Variants in BCKDHB observed in about 807,000 individuals in gnomAD.
BCKDHB encodes branched chain keto acid dehydrogenase E1 subunit beta, also known as 2-oxoisovalerate dehydrogenase subunit beta, mitochondrial.
In BCKDHB, 41 loss-of-function variants were observed where a neutral mutation model predicts 48.5. The ratio of observed to expected loss-of-function variants is 0.85; its 90% CI spans 0.66 to 1.10. The LOEUF is 1.10. BCKDHB is among the 50% of genes least tolerant of loss of function. The pLI, the probability that BCKDHB is intolerant of heterozygous loss-of-function variation, is 0.00. For missense variants in BCKDHB, 496 were observed against 494.2 expected (o/e 1.00, Z -0.03); for synonymous variants, 201 against 174.8 (o/e 1.15, Z -1.18).
chr6:80,158,499 C>G (rs1227363655), intron 3 of BCKDHB, among the ~76,000 whole-genome samples: 1 of 152,052 alleles, frequency 6.6e-6, no homozygotes, highest in Non-Finnish European at 1.5e-5. Context: ...AACCTTGGAA[C>G]CTGTCATATT....
chr6:80,239,708 T>C (rs912870085), intron 8 of BCKDHB, among the ~76,000 whole-genome samples: 3 of 152,092 alleles, frequency 2.0e-5, no homozygotes, highest in Non-Finnish European at 4.4e-5. Context: ...ATTGCCTAGG[T>C]TTTCTTCTAG....
chr6:80,186,762 C>T lies in BCKDHB; in HGVS notation c.743-14172C>T, dbSNP rs61403430. 7.2e-3 allele frequency among the ~76,000 whole-genome samples: 1,096 copies of T among 152,294 alleles called. 10 individuals are homozygous for T. The highest frequency in any genetic ancestry group is 0.024 in the African/African-American group (991 of 41,560). On this transcript the variant is annotated intron_variant, in intron 6 of 9. Transcript: ENST00000320393. ...AGGGATGGCTTTCTCTGGTTTGAGC[C>T]GGGAACTGGGAGTGCCTACAGGGCG...
intron 8 of BCKDHB, among the ~76,000 whole-genome samples, chr6:80,270,451 C>G (rs1195317336): frequency 6.6e-6 from 1 of 152,078 alleles, no homozygotes; most frequent in Non-Finnish European, 1.5e-5. Context: ...TCTGACTCCT[C>G]TCTTCTTGCT....
the BCKDHB span, among the ~76,000 whole-genome samples, chr6:80,404,135 G>C: frequency 1.7e-3 from 251 of 151,986 alleles, 1 homozygote; most frequent in African/African-American, 5.7e-3. Flanking sequence ...TTTTTAAAGA[G>C]TTTGAGCAGC....
At chr6:80,289,331 T>G (rs1311844102) in intron 9 of BCKDHB, among the ~76,000 whole-genome samples, 1 of 151,982 alleles carries the variant, frequency 6.6e-6, no homozygotes, top group Non-Finnish European at 1.5e-5. Context: ...TTTGAAATAG[T>G]GAGACTGCCA....
intron 8 of BCKDHB, among the ~76,000 whole-genome samples, chr6:80,222,018 A>G (rs867499879): frequency 1.6e-4 from 24 of 152,280 alleles, no homozygotes; most frequent in Non-Finnish European, 3.4e-4. Flanking sequence ...ACCTGGGTAC[A>G]TTGTGTACTG....
At chr6:80,260,472 G>A (rs560269167) in intron 8 of BCKDHB, among the ~76,000 whole-genome samples, 14 of 152,244 alleles carry the variant, frequency 9.2e-5, no homozygotes, top group African/African-American at 3.4e-4. Flanking sequence ...AAGGGCCCTA[G>A]GAGTGCTTCA....
chr6:80,340,916 A>C (rs1201911384), intron 9 of BCKDHB, among the ~76,000 whole-genome samples: 1 of 152,214 alleles, frequency 6.6e-6, no homozygotes, highest in Non-Finnish European at 1.5e-5. Context: ...TAAATTATTT[A>C]TATGTGAACC....
At chr6:80,294,365 A>G (rs9443741) in intron 9 of BCKDHB, among the ~76,000 whole-genome samples, 5 of 152,198 alleles carry the variant, frequency 3.3e-5, no homozygotes, top group African/African-American at 1.2e-4. Flanking sequence ...ATTGTAAAAC[A>G]TGTGTTTGAA....
At chr6:80,217,232 A>T (rs1057482626) in intron 8 of BCKDHB, among the ~76,000 whole-genome samples, 1 of 152,010 alleles carries the variant, frequency 6.6e-6, no homozygotes, top group Non-Finnish European at 1.5e-5. Context: ...CAAGAGTGAA[A>T]TTCCATCTCA....
intron 9 of BCKDHB, among the ~76,000 whole-genome samples, chr6:80,301,764 G>A (rs1182837481): frequency 3.9e-5 from 6 of 152,030 alleles, no homozygotes; most frequent in South Asian, 2.1e-4. Flanking sequence ...CTAGCAAACC[G>A]AATTCAGTAG....
intron 8 of BCKDHB, among the ~76,000 whole-genome samples, chr6:80,269,497 A>C (rs1257251432): frequency 6.6e-6 from 1 of 152,014 alleles, no homozygotes; most frequent in Non-Finnish European, 1.5e-5. Context: ...CCTGATCTTC[A>C]ATTGGCTTAG....
chr6:80,373,681 A>G, the BCKDHB span, among the ~76,000 whole-genome samples: 2 of 151,968 alleles, frequency 1.3e-5, no homozygotes, highest in Non-Finnish European at 2.9e-5. Flanking sequence ...TAAATTTGGG[A>G]GCTTCAGTAT....
the BCKDHB span, among the ~76,000 whole-genome samples, chr6:80,384,326 C>T: frequency 1.0e-4 from 15 of 146,098 alleles, no homozygotes; most frequent in East Asian, 2.1e-4. Flanking sequence ...ATCGGACTCC[C>T]GATCTTCTTC....
the BCKDHB span, among the ~76,000 whole-genome samples, chr6:80,420,549 A>C: frequency 0.05 from 7,642 of 152,238 alleles, 584 homozygotes; most frequent in African/African-American, 0.16. Flanking sequence ...AGATCTGTAC[A>C]TGCTGTTGAG....
chr6:80,428,046 C>T, the BCKDHB span, among the ~76,000 whole-genome samples: 735 of 151,704 alleles, frequency 4.8e-3, 3 homozygotes, highest in Non-Finnish European at 5.5e-3. Context: ...TCACAGGCCT[C>T]GGTGTGTGAT....
At chr6:80,223,186 T>A (rs573083201) in intron 8 of BCKDHB, among the ~76,000 whole-genome samples, 1 of 152,306 alleles carries the variant, frequency 6.6e-6, no homozygotes, top group South Asian at 2.1e-4. Context: ...TGTTCCAAAT[T>A]ATATCTATCA....
chr6:80,288,556 A>G (rs1044534607), intron 9 of BCKDHB, among the ~76,000 whole-genome samples: 20 of 152,258 alleles, frequency 1.3e-4, no homozygotes, highest in African/African-American at 4.6e-4. Context: ...CTTGAAATGT[A>G]TATTTAAAAT....
At chr6:80,298,869 T>A (rs1040988291) in intron 9 of BCKDHB, among the ~76,000 whole-genome samples, 1 of 152,140 alleles carries the variant, frequency 6.6e-6, no homozygotes, top group African/African-American at 2.4e-5. Context: ...CATGAAAGGA[T>A]CTTTTCTGGC....
Sources: gnomAD v4.1 joint callset for allele counts (sites outside exome capture counted in the v4.1 genomes callset) on GRCh38, gnomAD v4.1.1 for gene constraint, MANE v1.5 for transcripts, NCBI Gene and HGNC (gene_info 2026-07-23, HGNC 2026-07-21) for gene names.